The following KIF3A variants were observed in gnomAD, a reference collection of about 807,000 sequenced individuals.
The protein encoded by KIF3A is kinesin family member 3A.
In KIF3A, 27 loss-of-function variants were observed where a neutral mutation model predicts 92.6. The observed-to-expected ratio is 0.29, with a 90% CI of 0.21 to 0.40. KIF3A has a LOEUF of 0.40. Among genes scored for constraint, KIF3A ranks in the 10% least tolerant of loss-of-function variants. KIF3A has a pLI of 1.00. For synonymous variants in KIF3A, 250 were observed against 275.4 expected, an observed-to-expected ratio of 0.91 and a Z score of 0.92; for missense variants, 581 against 872.6, an observed-to-expected ratio of 0.67 and a Z score of 4.21.
chr5:132,724,161 G>A (rs188227810), intron 4 of KIF3A, among the ~76,000 whole-genome samples: 1 of 152,292 alleles, frequency 6.6e-6, no homozygotes, highest in Admixed American at 6.5e-5. Context: ...GTGTTGGAGA[G>A]GATGTGGAGA....
chr5:132,736,086 T>C (rs991352881), intron 1 of KIF3A, among the ~76,000 whole-genome samples: 6 of 152,356 alleles, frequency 3.9e-5, no homozygotes, highest in Admixed American at 2.0e-4. Flanking sequence ...AATACTCTTA[T>C]AGGCTCAGAG....
chr5:132,717,059 T>G, intron 5 of KIF3A, 75 bp from the exon 6 acceptor site: 2 of 1,378,676 alleles, frequency 1.5e-6, no homozygotes, highest in Non-Finnish European at 2.0e-6. Context: ...TCCTGAACAG[T>G]TTAAAACACT....
At chr5:132,715,673 A>G (rs1394507654) in intron 8 of KIF3A, 84 bp downstream of exon 8, 14 of 1,021,330 alleles carry the variant, frequency 1.4e-5, no homozygotes, top group Non-Finnish European at 2.0e-5. Flanking sequence ...AAAAGGTTTA[A>G]TAGAGGGCTT....
Position 132,696,401 on chromosome 5 carries a change from A to C in KIF3A, c.*233T>G. 2.2e-6 allele frequency: 1 copy of C among 453,942 alleles called. No homozygotes were observed. Among genetic ancestry groups the C allele is most frequent in the Non-Finnish European group, 4.0e-6 (1 of 251,434 alleles). 28.1% of individuals were successfully genotyped at this position (453,942 alleles called of 1,614,324 possible). A position where few individuals can be genotyped will look rare whatever the true frequency, so the allele number is the denominator to read the frequency against. On this transcript the variant is annotated 3_prime_UTR_variant, in exon 19 of 19. Transcript: ENST00000403231. ...TTCCCCCAACTTCCCTGCACAGTAC[A>C]ATTGAAGAGTAGTAGTACAACAATT...
intron 4 of KIF3A, chr5:132,723,852 G>A (rs1420360081): frequency 1.3e-5 from 2 of 152,186 alleles, no homozygotes; most frequent in Non-Finnish European, 2.9e-5. Context: ...TACCATCAGA[G>A]TGAACAGGCA....
At chr5:132,690,281 C>T (rs147922798), downstream of KIF3A, among the ~76,000 whole-genome samples, 1 of 151,602 alleles carries the variant, frequency 6.6e-6, no homozygotes, top group East Asian at 1.9e-4. Context: ...GTCCTAGTTA[C>T]TCAGGAGGCT....
intron 1 of KIF3A, among the ~76,000 whole-genome samples, chr5:132,735,336 A>C (rs1754356056): frequency 6.6e-6 from 1 of 152,178 alleles, no homozygotes; most frequent in Admixed American, 6.5e-5. Context: ...CGGCCTCCCA[A>C]AGTGCTGAGA....
intron 11 of KIF3A, among the ~76,000 whole-genome samples, chr5:132,704,730 A>G (rs1441003758): frequency 2.0e-5 from 3 of 151,938 alleles, no homozygotes; most frequent in Admixed American, 2.0e-4. Context: ...TCCTTCCCAA[A>G]GAACTACAGA....
rs1752802959 is a variant in KIF3A, at chr5:132,695,471, C to G, written c.*1163G>C. ...ACAGGCGTGAGCCACCATGCCCGGC[C>G]AGGAGTAGCATAACTTTAAAAAAAT... On this transcript the variant is annotated 3_prime_UTR_variant, in exon 19 of 19. Coordinates refer to ENST00000403231, the MANE Select transcript of KIF3A (RefSeq NM_001300791.2). The G allele has an allele frequency of 6.6e-6, 1 of 152,096 alleles. No homozygotes were observed. Among genetic ancestry groups the G allele is most frequent in the Non-Finnish European group, 1.5e-5 (1 of 68,012 alleles). 9.4% of individuals were successfully genotyped at this position (152,096 alleles called of 1,614,324 possible). A position where few individuals can be genotyped will look rare whatever the true frequency, so the allele number is the denominator to read the frequency against.
chr5:132,691,276 A>G (rs574097606), downstream of KIF3A, among the ~76,000 whole-genome samples: 34 of 152,306 alleles, frequency 2.2e-4, no homozygotes, highest in Non-Finnish European at 4.6e-4. Context: ...GGCTAGGCAC[A>G]GTGGCTCACA....
chr5:132,691,560 G>C (rs1752665286), downstream of KIF3A, among the ~76,000 whole-genome samples: 1 of 142,684 alleles, frequency 7.0e-6, no homozygotes, highest in African/African-American at 2.6e-5. Context: ...AAAAAAAAAA[G>C]TATTTTTGGT....
intron 9 of KIF3A, among the ~76,000 whole-genome samples, chr5:132,710,362 G>C (rs1373964252): frequency 6.6e-6 from 1 of 152,052 alleles, no homozygotes; most frequent in Non-Finnish European, 1.5e-5. Context: ...CACGCCTGTA[G>C]TCCCAGCACT....
rs540606199 is a variant in KIF3A, at chr5:132,709,248, ATCAT to A, written c.1229-274_1229-271del. ...GATCCTACTGGTCACCTAAAGCCTA[ATCAT>A]TCAAAGGGTTGAAATGACAAGAATA... On this transcript the variant is annotated intron_variant, in intron 9 of 18. Transcript: ENST00000403231. Among the ~76,000 whole-genome samples the A allele has an allele frequency of 2.2e-3, 329 of 152,304 alleles. 3 individuals carry two copies. The highest frequency in any genetic ancestry group is 3.1e-3 in the Non-Finnish European group (209 of 68,004).
chr5:132,713,073 G>T (rs372001040), intron 8 of KIF3A, among the ~76,000 whole-genome samples: 1 of 152,156 alleles, frequency 6.6e-6, no homozygotes, highest in African/African-American at 2.4e-5. Context: ...CAGGAGAATC[G>T]CTTGAACAGG....
Position 132,700,705 on chromosome 5 carries a change from T to TA in KIF3A, c.1885-6dup. 1 of 1,577,940 alleles carries TA rather than the reference T, an allele frequency of 6.3e-7. No individual in the cohort carries two copies. Among genetic ancestry groups the TA allele is most frequent in the Non-Finnish European group, 8.7e-7 (1 of 1,147,760 alleles). On this transcript the variant is annotated splice_polypyrimidine_tract_variant and splice_region_variant and intron_variant, in intron 15 of 18. Coordinates refer to ENST00000403231, the MANE Select transcript of KIF3A (RefSeq NM_001300791.2). ...GACATAGTTTTCAATCATTTCCTTT[T>TA]AAAAGGGTGAAAGATAGCCTATTTT...
chr5:132,736,424 T>C (rs978217561), intron 1 of KIF3A, among the ~76,000 whole-genome samples: 1 of 152,148 alleles, frequency 6.6e-6, no homozygotes, highest in Non-Finnish European at 1.5e-5. Flanking sequence ...CCCACCCACT[T>C]CATTATTAAG....
chr5:132,735,042 G>A (rs976569091), intron 1 of KIF3A, among the ~76,000 whole-genome samples: 1 of 151,980 alleles, frequency 6.6e-6, no homozygotes, highest in Non-Finnish European at 1.5e-5. Flanking sequence ...AACCTTATAA[G>A]CATTTGTATA....
chr5:132,706,497 A>G (rs1212441050), intron 10 of KIF3A, 38 bp from the exon 11 acceptor site: 1 of 1,529,802 alleles, frequency 6.5e-7, no homozygotes, highest in Admixed American at 2.1e-5. Context: ...GCAGACAGGA[A>G]GCAATACGCA....
At position 132,709,425 on chromosome 5, in the gene KIF3A, T is replaced by C. The variant is rs147042714; in HGVS notation, c.1229-447A>G. 2.9e-3 allele frequency among the ~76,000 whole-genome samples: 442 copies of C among 152,330 alleles called. 5 individuals are homozygous for C. Among genetic ancestry groups the C allele is most frequent in the East Asian group, 1.7e-3 (9 of 5,188 alleles). On this transcript the variant is annotated intron_variant, in intron 9 of 18. Coordinates refer to ENST00000403231, the MANE Select transcript of KIF3A (RefSeq NM_001300791.2). Reference sequence around the variant, plus strand: ...ACCCTTCATAATAGGTTAGTCTATCTCCACTTTCAGTCTCTCCCTCCCCCA... The same window carrying C: ...ACCCTTCATAATAGGTTAGTCTATCCCCACTTTCAGTCTCTCCCTCCCCCA...
Sources: allele counts gnomAD v4.1 joint callset (sites outside exome capture counted in the v4.1 genomes callset), GRCh38; gene constraint gnomAD v4.1.1; transcripts MANE v1.5; gene names NCBI Gene and HGNC (gene_info 2026-07-23, HGNC 2026-07-21).